The following SIPA1L2 variants were observed in gnomAD, a reference collection of about 807,000 sequenced individuals.
The protein encoded by SIPA1L2 is signal induced proliferation associated 1 like 2.
SIPA1L2 carries 56 observed loss-of-function variants against 163.9 expected under a neutral mutation model. The observed-to-expected ratio is 0.34, with a 90% confidence interval of 0.28 to 0.43. The LOEUF (loss-of-function observed/expected upper bound fraction) is 0.43, where lower values mean the gene tolerates loss of function less well. Ranked by LOEUF, SIPA1L2 falls within the 20% of genes least tolerant of loss-of-function variation. The probability of loss-of-function intolerance (pLI) is 1.00; values close to 1 mark genes in which losing one functional copy is unlikely to be tolerated. For missense variants in SIPA1L2, 1,974 were observed against 2,193.5 expected (o/e 0.90, Z 2.00); for synonymous variants, 877 against 865.7 (o/e 1.01, Z -0.23).
chr1:232,444,962 A>G (rs559216909), intron 11 of SIPA1L2, among the ~76,000 whole-genome samples: 1 of 152,374 alleles, frequency 6.6e-6, no homozygotes, highest in Non-Finnish European at 1.5e-5. Context: ...AAAATGATCT[A>G]TGCAAATTAG....
In SIPA1L2 at chr1:232,574,162, T is replaced by C. The variant is rs1219518055; in HGVS notation, c.-270+12A>G. 6.6e-6 allele frequency among the ~76,000 whole-genome samples: 1 copy of C among 152,180 alleles called. No homozygotes were observed. The highest frequency in any genetic ancestry group is 1.5e-5 in the Non-Finnish European group (1 of 68,038). On this transcript the variant is annotated intron_variant, in intron 2 of 22. Transcript: ENST00000674635. Reference sequence around the variant, plus strand: ...CCTCTCTGAAGTGAGGATGCCTTGCTTGCAGGCTTACCTGAGTGGGGAAGA... The same window carrying C: ...CCTCTCTGAAGTGAGGATGCCTTGCCTGCAGGCTTACCTGAGTGGGGAAGA...
intron 15 of SIPA1L2, among the ~76,000 whole-genome samples, chr1:232,438,403 A>G (rs968040224): frequency 2.3e-4 from 35 of 152,378 alleles, no homozygotes; most frequent in African/African-American, 8.2e-4. Context: ...CAAACTGAAT[A>G]AATGCATTTC....
At chr1:232,468,068 T>C (rs1384063521) in intron 8 of SIPA1L2, among the ~76,000 whole-genome samples, 1 of 152,218 alleles carries the variant, frequency 6.6e-6, no homozygotes, top group Non-Finnish European at 1.5e-5. Flanking sequence ...TATTCCATGA[T>C]TGTTATGATA....
chr1:232,579,811 G>T (rs751729262), intron 1 of SIPA1L2, among the ~76,000 whole-genome samples: 5 of 152,114 alleles, frequency 3.3e-5, no homozygotes, highest in Non-Finnish European at 5.9e-5. Flanking sequence ...ATGAACAGAA[G>T]TCTCACAAAA....
At chr1:232,417,011 G>A (rs1661303198) in intron 18 of SIPA1L2, among the ~76,000 whole-genome samples, 1 of 152,156 alleles carries the variant, frequency 6.6e-6, no homozygotes, top group South Asian at 2.1e-4. Flanking sequence ...CCAGAACACT[G>A]CATGCAGCTG....
At chr1:232,561,898 CTT>C (rs904440056) in intron 2 of SIPA1L2, among the ~76,000 whole-genome samples, 1 of 152,210 alleles carries the variant, frequency 6.6e-6, no homozygotes, top group African/African-American at 2.4e-5. Flanking sequence ...TCAGGTGACT[CTT>C]GATATGGAGG....
chr1:232,617,825 A>G (rs1018693562), intron 1 of SIPA1L2, among the ~76,000 whole-genome samples: 30 of 152,362 alleles, frequency 2.0e-4, no homozygotes, highest in Non-Finnish European at 4.0e-4. Context: ...AGATTTGTGC[A>G]TTTCACTCTA....
chr1:232,555,757 A>T (rs779951183), intron 2 of SIPA1L2, among the ~76,000 whole-genome samples: 22 of 152,384 alleles, frequency 1.4e-4, no homozygotes, highest in Non-Finnish European at 3.1e-4. Context: ...AGGACAGAAC[A>T]GCAGGGGATA....
At chr1:232,440,860 C>T (rs1662850691) in intron 14 of SIPA1L2, among the ~76,000 whole-genome samples, 1 of 152,212 alleles carries the variant, frequency 6.6e-6, no homozygotes, top group Non-Finnish European at 1.5e-5. Flanking sequence ...GTGCTCTACC[C>T]TGACATGTGT....
chr1:232,487,950 ACACACG>A (rs1247105414), intron 5 of SIPA1L2, among the ~76,000 whole-genome samples: 5 of 151,320 alleles, frequency 3.3e-5, no homozygotes, highest in African/African-American at 9.8e-5. Context: ...ACACACACAC[ACACACG>A]CACACATATT....
chr1:232,412,507 C>T (rs1401885048), intron 19 of SIPA1L2, among the ~76,000 whole-genome samples: 3 of 152,128 alleles, frequency 2.0e-5, no homozygotes, highest in African/African-American at 7.2e-5. Context: ...CAGAAATGGC[C>T]TTGAGAACTG....
chr1:232,600,464 G>A (rs946752254), intron 1 of SIPA1L2, among the ~76,000 whole-genome samples: 3 of 152,084 alleles, frequency 2.0e-5, no homozygotes, highest in Admixed American at 1.3e-4. Context: ...AGCCTTACCC[G>A]CTGAGAAATG....
rs777512850 is a variant in SIPA1L2 at position 232,515,148 on chromosome 1, C to T, written c.192G>A (p.Pro64=). The T allele has an allele frequency of 6.9e-5, 112 of 1,613,780 alleles. No individual in the cohort carries two copies. The highest frequency in any genetic ancestry group is 1.8e-4 in the Admixed American group (11 of 59,980). ...TGGGCACAGCTGGGGTACCATTAGC[C>T]GGACCACCACCGCCAGTCTCATTGG... ...SNSNETGGGG[P]ANGTPAVPKM... is the part of the protein sequence containing the mutation. Residue 64 remains proline (P), a synonymous_variant, in exon 3 of 23, where the codon CCG becomes CCA. Coordinates refer to ENST00000674635, the MANE Select transcript of SIPA1L2 (RefSeq NM_020808.5).
At chr1:232,521,021 C>CAA (rs1667437561) in intron 2 of SIPA1L2, among the ~76,000 whole-genome samples, 1 of 152,156 alleles carries the variant, frequency 6.6e-6, no homozygotes, top group African/African-American at 2.4e-5. Context: ...AATTGATATA[C>CAA]AAGTTCAATA....
At chr1:232,481,466 T>C (rs1046237066) in intron 6 of SIPA1L2, among the ~76,000 whole-genome samples, 1 of 141,720 alleles carries the variant, frequency 7.1e-6, no homozygotes, top group African/African-American at 2.6e-5. Flanking sequence ...AAAGATGCAT[T>C]GCGGGGGGGA....
Position 232,460,993 on chromosome 1 carries a change from C to T in SIPA1L2, c.2989G>A (p.Val997Ile), listed in dbSNP as rs1449735851. The change falls in exon 10 of 23, where the codon GTA (valine) becomes ATA (isoleucine). Residue 997 changes from valine (V) to isoleucine (I), a missense_variant. By Grantham distance (29) the Val-to-Ile change is conservative. This residue lies in a region of SIPA1L2 where 1,079 missense variants were observed against 1,150.7 expected (regional missense o/e 0.94). Coordinates refer to ENST00000674635, the MANE Select transcript of SIPA1L2 (RefSeq NM_020808.5). ...QGSRLVEICK[V>I]AVATLTHEQM... ...TCGTGGGTCAGAGTGGCCACGGCTA[C>T]TTTGCAGATCTCCACGAGGCGGCTC... 1.9e-6 allele frequency: 3 copies of T among 1,614,258 alleles called. No individual in the cohort carries two copies. The highest frequency in any genetic ancestry group is 2.5e-6 in the Non-Finnish European group (3 of 1,180,054).
intron 18 of SIPA1L2, among the ~76,000 whole-genome samples, chr1:232,422,576 G>A (rs1228491322): frequency 2.0e-5 from 3 of 152,084 alleles, no homozygotes; most frequent in Non-Finnish European, 4.4e-5. Context: ...AGTCTCTCCT[G>A]GTGAAAGATT....
In SIPA1L2 at chr1:232,501,073, T is replaced by TTTTTTTC. The variant is rs71173222; in HGVS notation, c.1484-7414_1484-7413insGAAAAAA. 4.8e-3 allele frequency among the ~76,000 whole-genome samples: 649 copies of TTTTTTTC among 135,984 alleles called. 18 individuals are homozygous for TTTTTTTC. The highest frequency in any genetic ancestry group is 0.012 in the Middle Eastern group (3 of 250). The allele number at this position is 135,984 out of a possible 152,430, so 89.2% of individuals were successfully genotyped here. On this transcript the variant is annotated intron_variant, in intron 3 of 22. Coordinates refer to ENST00000674635, the MANE Select transcript of SIPA1L2 (RefSeq NM_020808.5). ...GTATTTTTTTTTTTTTTTTTTTTTT[T>TTTTTTTC]GTGAGACAGAGTCTCGCTCTGTCGC...
chr1:232,476,298 T>C (rs906299704), intron 7 of SIPA1L2, among the ~76,000 whole-genome samples: 1 of 152,068 alleles, frequency 6.6e-6, no homozygotes, highest in Non-Finnish European at 1.5e-5. Flanking sequence ...CTCAGAAACC[T>C]AGGGGCTTGG....
Sources: gnomAD v4.1 joint callset for allele counts (sites outside exome capture counted in the v4.1 genomes callset) on GRCh38, gnomAD v4.1.1 for gene constraint, gnomAD v4.1.1 regional missense constraint, MANE v1.5 for transcripts, NCBI Gene and HGNC (gene_info 2026-07-23, HGNC 2026-07-21) for gene names.